IL33: variants seen among roughly 807,000 people sequenced by gnomAD.
IL33 encodes interleukin 33, also known as interleukin-33.
IL33 carries 37 observed loss-of-function variants against 27.3 expected under a neutral mutation model. That is an observed-to-expected ratio of 1.36 (90% CI 1.04 to 1.78). IL33 has a LOEUF of 1.78. Ranked by LOEUF, IL33 falls within the 40% of genes most tolerant of loss-of-function variation. The pLI, the probability that IL33 is intolerant of heterozygous loss-of-function variation, is 0.00. For missense variants in IL33, 406 were observed against 311.4 expected, an observed-to-expected ratio of 1.30 and a Z score of -2.29; for synonymous variants, 132 against 102.9, an observed-to-expected ratio of 1.28 and a Z score of -1.71.
intron 1 of IL33, among the ~76,000 whole-genome samples, chr9:6,218,483 C>T (rs564544145): frequency 6.6e-6 from 1 of 151,806 alleles, no homozygotes; most frequent in Admixed American, 6.6e-5. Flanking sequence ...TTACAACTAA[C>T]TTCGGGGAAA....
At chr9:6,234,784 G>A (rs879771068) in intron 1 of IL33, among the ~76,000 whole-genome samples, 1 of 151,918 alleles carries the variant, frequency 6.6e-6, no homozygotes, top group Non-Finnish European at 1.5e-5. Context: ...CCTTCAGATG[G>A]TGCTTCACAC....
rs1411856379 is a variant in IL33, at chr9:6,236,291, T to A, written c.-11-5393T>A. ...ATATTTGCAGTATGATTCTATTTTT[T>A]AAATAAAAGAGATGTGTATAATTTT... On this transcript the variant is annotated intron_variant, in intron 1 of 7. Transcript: ENST00000682010. Among the ~76,000 whole-genome samples the A allele has an allele frequency of 1.3e-5, 2 of 152,322 alleles. 1 individual carries two copies. The highest frequency in any genetic ancestry group is 6.8e-3 in the Middle Eastern group (2 of 294).
chr9:6,255,444 G>A (rs1233879085), intron 7 of IL33, among the ~76,000 whole-genome samples: 1 of 151,968 alleles, frequency 6.6e-6, no homozygotes, highest in African/African-American at 2.4e-5. Context: ...TGGGCTAAAT[G>A]TTTTACAAAT....
chr9:6,233,611 G>T (rs546500810), intron 1 of IL33, among the ~76,000 whole-genome samples: 1 of 152,150 alleles, frequency 6.6e-6, no homozygotes, highest in African/African-American at 2.4e-5. Flanking sequence ...ACCAGCTACT[G>T]TGCTAAGCGC....
intron 4 of IL33, 23 bp from the exon 5 acceptor site, chr9:6,252,843 A>G: frequency 3.1e-6 from 5 of 1,591,914 alleles, no homozygotes; most frequent in Non-Finnish European, 4.3e-6. Context: ...GTGCCTGACA[A>G]ATTTTTGAAT....
chr9:6,228,846 CAA>C (rs386414378), intron 1 of IL33, among the ~76,000 whole-genome samples: 11 of 135,778 alleles, frequency 8.1e-5, no homozygotes, highest in Admixed American at 1.5e-4. Flanking sequence ...AACACTGACT[CAA>C]AAAAAAAAAA....
intron 1 of IL33, among the ~76,000 whole-genome samples, chr9:6,218,418 G>A (rs1587600033): frequency 6.6e-6 from 1 of 151,954 alleles, no homozygotes; most frequent in Non-Finnish European, 1.5e-5. Flanking sequence ...AAGAGATTGA[G>A]AAACAGGAAA....
Position 6,256,078 on chromosome 9 carries a change from T to G in IL33, c.723T>G (p.Gly241=), listed in dbSNP as rs35375147. The G allele has an allele frequency of 2.5e-6, 4 of 1,612,968 alleles. No individual in the cohort carries two copies. Among genetic ancestry groups the G allele is most frequent in the Non-Finnish European group, 3.4e-6 (4 of 1,179,136 alleles). The change falls in exon 8 of 8, where the codon GGT becomes GGG. Residue 241 remains glycine, a synonymous_variant. Coordinates refer to ENST00000682010, the MANE Select transcript of IL33 (RefSeq NM_033439.4). ...ECKTDPGVFI[G]VKDNHLALIK... The stretch of plus-strand genomic sequence containing the variant: ...AGACTGATCCTGGAGTGTTTATAGG[T>G]GTAAAGGATAATCATCTTGCTCTGA...
intron 2 of IL33, among the ~76,000 whole-genome samples, chr9:6,244,851 C>T (rs1819735368): frequency 6.6e-6 from 1 of 152,142 alleles, no homozygotes; most frequent in South Asian, 2.1e-4. Context: ...TCTTGAGCTA[C>T]CAGGATCCAA....
intron 1 of IL33, among the ~76,000 whole-genome samples, chr9:6,233,663 G>T (rs982893798): frequency 6.6e-6 from 1 of 152,050 alleles, no homozygotes; most frequent in Non-Finnish European, 1.5e-5. Context: ...ACAACCTAAT[G>T]AGTTAAATTA....
intron 1 of IL33, among the ~76,000 whole-genome samples, chr9:6,238,955 GATC>G (rs562781714): frequency 9.2e-4 from 140 of 152,280 alleles, no homozygotes; most frequent in African/African-American, 3.0e-3. Context: ...GACCCAGCTT[GATC>G]ATCAAGGTAT....
chr9:6,244,614 A>G lies in IL33; in HGVS notation c.91+2829A>G, dbSNP rs551912292. Among the ~76,000 whole-genome samples, 5 of 152,336 alleles carry G rather than the reference A, an allele frequency of 3.3e-5. 1 individual carries two copies. The South Asian group carries it at 1.0e-3, about 32-fold the overall frequency. ...ACTGTGGGTAACTGAAATCATGGAA[A>G]GTAAACCCACAGATGGGGGCAAGCA... On this transcript the variant is annotated intron_variant, in intron 2 of 7. Transcript: ENST00000682010.
chr9:6,255,821 C>G lies in IL33; in HGVS notation c.613-147C>G, dbSNP rs1013300156. 1.2e-4 allele frequency: 79 copies of G among 642,280 alleles called. 1 individual carries two copies. Among genetic ancestry groups the G allele is most frequent in the Non-Finnish European group, 2.0e-4 (71 of 363,794 alleles). 39.8% of individuals were successfully genotyped at this position (642,280 alleles called of 1,614,324 possible). On this transcript the variant is annotated intron_variant, in intron 7 of 7. Coordinates refer to ENST00000682010, the MANE Select transcript of IL33 (RefSeq NM_033439.4). Reference sequence around the variant, plus strand: ...CTCTGGCCCTCTACTCACTTCTCCCCCTCTTCCCTCCACAACTCACTAAGC... The same window carrying G: ...CTCTGGCCCTCTACTCACTTCTCCCGCTCTTCCCTCCACAACTCACTAAGC...
At chr9:6,230,746 T>C (rs1227632238) in intron 1 of IL33, among the ~76,000 whole-genome samples, 1 of 152,178 alleles carries the variant, frequency 6.6e-6, no homozygotes, top group Non-Finnish European at 1.5e-5. Flanking sequence ...TATATCCTCA[T>C]AGATCCTCTT....
intron 2 of IL33, among the ~76,000 whole-genome samples, chr9:6,248,381 A>G (rs1242647222): frequency 6.6e-6 from 1 of 151,610 alleles, no homozygotes; most frequent in African/African-American, 2.4e-5. Context: ...CTCCACCATC[A>G]TAAACAGATT....
At position 6,252,065 on chromosome 9, in the gene IL33, ACCCAACAAAAAACAAAACAAAAC is replaced by A. The variant is rs1816411712; in HGVS notation, c.344-800_344-778del. Among the ~76,000 whole-genome samples, 578 of 124,640 alleles carry A rather than the reference ACCCAACAAAAAACAAAACAAAAC, an allele frequency of 4.6e-3. 35 individuals carry two copies. The highest frequency in any genetic ancestry group is 0.016 in the East Asian group (58 of 3,654). The allele number at this position is 124,640 out of a possible 152,430, so 81.8% of individuals were successfully genotyped here. On this transcript the variant is annotated intron_variant, in intron 4 of 7. Coordinates refer to ENST00000682010, the MANE Select transcript of IL33 (RefSeq NM_033439.4). ...AAAACAAACAAACAAACAAAAAAAA[ACCCAACAAAAAACAAAACAAAAC>A]AAAAAAACCAACTTTACCTGGAAAT...
intron 2 of IL33, among the ~76,000 whole-genome samples, chr9:6,247,626 G>A (rs1482270137): frequency 6.6e-6 from 1 of 152,104 alleles, no homozygotes; most frequent in Non-Finnish European, 1.5e-5. Context: ...CGAGCAGGCA[G>A]GATAGAGACA....
chr9:6,252,934 T>A lies in IL33; in HGVS notation c.412T>A (p.Leu138Met). 1 of 1,601,050 alleles carries A rather than the reference T, an allele frequency of 6.2e-7. No individual in the cohort carries two copies. ...CAATGATCAATCCATTACTTTTGCT[T>A]TGGAGGATGAAAGTTATGAGATATA... ...TYNDQSITFA[L>M]EDESYEIYVE... Residue 138 changes from leucine (L) to methionine (M), a missense_variant, in exon 5 of 8, where the codon TTG becomes ATG. By Grantham distance (15) the Leu-to-Met change is conservative. Transcript: ENST00000682010.
intron 2 of IL33, among the ~76,000 whole-genome samples, chr9:6,248,685 T>C (rs2130396371): frequency 6.6e-6 from 1 of 152,244 alleles, no homozygotes; most frequent in South Asian, 2.1e-4. Flanking sequence ...AGCAATCCTT[T>C]GGTCTCAGCC....
Sources: gnomAD v4.1 joint callset for allele counts (sites outside exome capture counted in the v4.1 genomes callset) on GRCh38, gnomAD v4.1.1 for gene constraint, MANE v1.5 for transcripts, NCBI Gene and HGNC (gene_info 2026-07-23, HGNC 2026-07-21) for gene names.